The following MGAT4D variants were observed in gnomAD, a reference collection of about 807,000 sequenced individuals.
The protein encoded by MGAT4D is MGAT4 family member D.
A neutral mutation model predicts 15.9 loss-of-function variants in MGAT4D; 34 were observed. The observed-to-expected ratio is 2.14, with a 90% CI of 1.62 to 2.84. The LOEUF (loss-of-function observed/expected upper bound fraction) is 2.84, where lower values mean the gene tolerates loss of function less well. Ranked by LOEUF, MGAT4D falls within the 30% of genes most tolerant of loss-of-function variation. The probability of loss-of-function intolerance (pLI) is 0.00; values close to 1 mark genes in which losing one functional copy is unlikely to be tolerated. For synonymous variants in MGAT4D, 112 were observed against 48.2 expected (o/e 2.33, Z -5.49); for missense variants, 327 against 140.2 (o/e 2.33, Z -6.73).
chr4:140,492,545 T>C (rs1284875089), intron 1 of MGAT4D, among the ~76,000 whole-genome samples: 1 of 151,996 alleles, frequency 6.6e-6, no homozygotes, highest in Admixed American at 6.6e-5. Flanking sequence ...GGAGAATTGC[T>C]TGGACCTGGG....
At chr4:140,455,263 G>T (rs2126696161) in intron 9 of MGAT4D, among the ~76,000 whole-genome samples, 1 of 152,256 alleles carries the variant, frequency 6.6e-6, no homozygotes, top group Non-Finnish European at 1.5e-5. Flanking sequence ...CAGAAGCGTT[G>T]TAACACTGTA....
intron 5 of MGAT4D, among the ~76,000 whole-genome samples, chr4:140,466,932 A>G (rs570455278): frequency 1.9e-4 from 29 of 152,038 alleles, no homozygotes; most frequent in Non-Finnish European, 3.4e-4. Flanking sequence ...CTCTGTGCCA[A>G]TTTTGCTTGT....
rs572560008 is a variant in MGAT4D at position 140,474,958 on chromosome 4, G to A, written c.392-12C>T. The A allele has an allele frequency of 2.7e-5, 18 of 659,390 alleles. No individual in the cohort carries two copies. In the African/African-American group the frequency reaches 3.3e-4, roughly 12 times the overall value. The allele number at this position is 659,390 out of a possible 1,614,324, so 40.8% of individuals were successfully genotyped here. Reference sequence around the variant, plus strand: ...CAGCGCAAAAGAAACTGTGGACATAGGAGTATGAAATCATCATTCCATACC... The same window carrying A: ...CAGCGCAAAAGAAACTGTGGACATAAGAGTATGAAATCATCATTCCATACC... On this transcript the variant is annotated splice_polypyrimidine_tract_variant and intron_variant, in intron 3 of 10. Transcript: ENST00000511113.
chr4:140,460,633 T>C (rs571145906), intron 7 of MGAT4D, among the ~76,000 whole-genome samples: 2 of 152,212 alleles, frequency 1.3e-5, no homozygotes, highest in Admixed American at 1.3e-4. Context: ...CCCAGGAGTT[T>C]GAGACCAGCC....
chr4:140,444,878 A>C (rs1323660444), intron 10 of MGAT4D, among the ~76,000 whole-genome samples: 1 of 86,580 alleles, frequency 1.2e-5, no homozygotes, highest in Non-Finnish European at 2.3e-5. Flanking sequence ...AGCATCTTTT[A>C]TTTTTTGCCT....
intron 3 of MGAT4D, among the ~76,000 whole-genome samples, chr4:140,476,231 A>T (rs560702765): frequency 6.6e-6 from 1 of 152,142 alleles, no homozygotes; most frequent in African/African-American, 2.4e-5. Context: ...TATATTCTGA[A>T]TACGAACCCC....
intron 9 of MGAT4D, among the ~76,000 whole-genome samples, chr4:140,454,715 C>T (rs1730687905): frequency 6.6e-6 from 1 of 152,010 alleles, no homozygotes; most frequent in African/African-American, 2.4e-5. Context: ...CCTTTAAACC[C>T]TTTGGACATG....
intron 5 of MGAT4D, among the ~76,000 whole-genome samples, chr4:140,469,595 TCCCCCATCCCCA>T (rs1430666340): frequency 6.6e-6 from 1 of 152,130 alleles, no homozygotes; most frequent in Non-Finnish European, 1.5e-5. Context: ...TTTTCTTTCT[TCCCCCATCCCCA>T]TTCCACTTTT....
chr4:140,480,051 A>C (rs1206263622), intron 2 of MGAT4D, among the ~76,000 whole-genome samples: 3 of 152,184 alleles, frequency 2.0e-5, no homozygotes, highest in Non-Finnish European at 2.9e-5. Context: ...TACAATTTTG[A>C]AAAAGAAAAT....
rs1361786652 is a variant in MGAT4D at position 140,451,426 on chromosome 4, T to C, written c.1100A>G (p.Lys367Arg). 4 of 610,042 alleles carry C rather than the reference T, an allele frequency of 6.6e-6. No homozygotes were observed. Among genetic ancestry groups the C allele is most frequent in the Non-Finnish European group, 1.2e-5 (4 of 335,992 alleles). The allele number at this position is 610,042 out of a possible 1,614,324, so 37.8% of individuals were successfully genotyped here. A position where few individuals can be genotyped will look rare whatever the true frequency, so the allele number is the denominator to read the frequency against. ...HVGIHSSFPR[K>R]EQYEKKI ...AAATCTTACTTTTTCATATTGTTCT[T>C]TTCTAGGGAATGATGAATGTATACC... is the stretch of plus-strand genomic sequence containing the variant. The change falls in exon 10 of 11, where the codon AAA (lysine) becomes AGA (arginine). Residue 367 changes from lysine to arginine, a missense_variant. Physicochemically the swap from Lys to Arg is conservative, Grantham distance 26. Coordinates refer to ENST00000511113, the MANE Select transcript of MGAT4D (RefSeq NM_001277353.2).
intron 5 of MGAT4D, among the ~76,000 whole-genome samples, chr4:140,471,239 CTT>C (rs1731929089): frequency 9.9e-6 from 1 of 101,180 alleles, no homozygotes; most frequent in Admixed American, 1.1e-4. Flanking sequence ...TCCTTCCTTC[CTT>C]CCTTCCTTCC....
intron 5 of MGAT4D, among the ~76,000 whole-genome samples, chr4:140,468,532 A>G (rs1421317532): frequency 6.6e-6 from 1 of 152,172 alleles, no homozygotes; most frequent in Non-Finnish European, 1.5e-5. Flanking sequence ...TAAGAATACC[A>G]AACTAGCATA....
intron 10 of MGAT4D, among the ~76,000 whole-genome samples, chr4:140,444,967 T>C (rs1048268685): frequency 1.3e-5 from 2 of 152,012 alleles, no homozygotes; most frequent in African/African-American, 2.4e-5. Flanking sequence ...CTGCAACCTC[T>C]GCCTCCTAGG....
intron 1 of MGAT4D, among the ~76,000 whole-genome samples, chr4:140,495,914 T>C (rs1177404002): frequency 6.6e-6 from 1 of 152,100 alleles, no homozygotes. Flanking sequence ...TTTGTATTTT[T>C]AGTAGAGACT....
chr4:140,470,101 G>T (rs1266952592), intron 5 of MGAT4D, among the ~76,000 whole-genome samples: 1 of 152,240 alleles, frequency 6.6e-6, no homozygotes, highest in Non-Finnish European at 1.5e-5. Context: ...TCTGATCCCC[G>T]GGTTTAATGT....
At chr4:140,495,867 G>T (rs1224576438) in intron 1 of MGAT4D, among the ~76,000 whole-genome samples, 2 of 152,116 alleles carry the variant, frequency 1.3e-5, no homozygotes, top group African/African-American at 2.4e-5. Flanking sequence ...CTCCTGAGTA[G>T]CTGGGATTAC....
intron 4 of MGAT4D, among the ~76,000 whole-genome samples, chr4:140,474,488 AT>A (rs1415961843): frequency 1.3e-5 from 2 of 152,178 alleles, no homozygotes; most frequent in Non-Finnish European, 2.9e-5. Context: ...AATAATTTTA[AT>A]TTTGTTTGTA....
intron 4 of MGAT4D, among the ~76,000 whole-genome samples, chr4:140,472,199 CT>C (rs1732009614): frequency 6.6e-6 from 1 of 152,208 alleles, no homozygotes; most frequent in Admixed American, 6.5e-5. Context: ...GAAAACTACT[CT>C]TCATTTCCTG....
chr4:140,491,858 C>T (rs183975307), intron 1 of MGAT4D, among the ~76,000 whole-genome samples: 1 of 152,134 alleles, frequency 6.6e-6, no homozygotes, highest in East Asian at 2.0e-4. Flanking sequence ...TCTGTCCCCC[C>T]AGCTCTTTCC....
Sources: gnomAD v4.1 joint callset for allele counts (sites outside exome capture counted in the v4.1 genomes callset) on GRCh38, gnomAD v4.1.1 for gene constraint, MANE v1.5 for transcripts, NCBI Gene and HGNC (gene_info 2026-07-23, HGNC 2026-07-21) for gene names.